The following CDH13 variants were observed in gnomAD, a reference collection of about 807,000 sequenced individuals.
The protein encoded by CDH13 is cadherin 13, also known as cadherin-13.
A neutral mutation model predicts 63.8 loss-of-function variants in CDH13; 24 were observed. The observed-to-expected ratio is 0.38, with a 90% CI of 0.27 to 0.53. CDH13 has a LOEUF of 0.53. CDH13 is among the 20% of genes least tolerant of loss of function. The pLI is 0.85. For missense variants in CDH13, 1,049 were observed against 903.1 expected (o/e 1.16, Z -2.07); for synonymous variants, 503 against 355.3 (o/e 1.42, Z -4.67).
chr16:82,673,071 G>C (rs1913483396), intron 1 of CDH13, among the ~76,000 whole-genome samples: 1 of 134,342 alleles, frequency 7.4e-6, no homozygotes, highest in Non-Finnish European at 1.5e-5. Context: ...CGAACTCCTG[G>C]GCTCAAGCAA....
intron 1 of CDH13, among the ~76,000 whole-genome samples, chr16:82,783,002 A>T (rs1169989819): frequency 2.0e-5 from 3 of 152,208 alleles, no homozygotes; most frequent in African/African-American, 7.2e-5. Flanking sequence ...CAGCATTGCC[A>T]AACAATGCCT....
At chr16:83,274,032 T>A (rs1275604282) in intron 5 of CDH13, among the ~76,000 whole-genome samples, 1 of 152,142 alleles carries the variant, frequency 6.6e-6, no homozygotes, top group East Asian at 1.9e-4. Context: ...TTACCTGGGG[T>A]TAAGCTCTCT....
chr16:83,258,955 A>T (rs1457524917), intron 5 of CDH13, among the ~76,000 whole-genome samples: 1 of 152,210 alleles, frequency 6.6e-6, no homozygotes, highest in Non-Finnish European at 1.5e-5. Flanking sequence ...CATTTGATAC[A>T]TAAACAAAAG....
chr16:83,486,164 C>G (rs990415050), intron 6 of CDH13, among the ~76,000 whole-genome samples: 15 of 127,468 alleles, frequency 1.2e-4, no homozygotes, highest in African/African-American at 4.6e-4. Flanking sequence ...GTCCCTGTCA[C>G]AAAGCCACAT....
chr16:82,756,586 G>A (rs529681366), intron 1 of CDH13, among the ~76,000 whole-genome samples: 18 of 152,292 alleles, frequency 1.2e-4, no homozygotes, highest in Non-Finnish European at 2.6e-4. Flanking sequence ...AACATTAAAT[G>A]AGGCTATGCT....
At chr16:83,141,789 AGTTT>A (rs1229397464) in intron 4 of CDH13, among the ~76,000 whole-genome samples, 3 of 152,090 alleles carry the variant, frequency 2.0e-5, no homozygotes, top group Non-Finnish European at 4.4e-5. Context: ...GTTCTGTCTT[AGTTT>A]GCTGAGAATG....
intron 3 of CDH13, among the ~76,000 whole-genome samples, chr16:83,072,568 A>T (rs1241142363): frequency 1.3e-5 from 2 of 152,190 alleles, no homozygotes; most frequent in African/African-American, 4.8e-5. Flanking sequence ...TGGGATCACA[A>T]ACTTGAAGTC....
At chr16:83,274,907 C>A (rs1056883223) in intron 5 of CDH13, among the ~76,000 whole-genome samples, 2 of 152,136 alleles carry the variant, frequency 1.3e-5, no homozygotes, top group Non-Finnish European at 2.9e-5. Context: ...AGTCTTTATT[C>A]CATTTAGGTG....
intron 1 of CDH13, among the ~76,000 whole-genome samples, chr16:82,746,489 A>G (rs2034180894): frequency 6.6e-6 from 1 of 152,082 alleles, no homozygotes; most frequent in Admixed American, 6.5e-5. Flanking sequence ...TGAGAACTGA[A>G]GAATTAATCT....
intron 2 of CDH13, chr16:83,022,944 A>G (rs1431583422): frequency 6.6e-6 from 1 of 152,234 alleles, no homozygotes; most frequent in Non-Finnish European, 1.5e-5. Flanking sequence ...AGATAAGTTT[A>G]AATCCATCTG....
At chr16:83,626,604 C>G (rs1052416943) in intron 8 of CDH13, among the ~76,000 whole-genome samples, 3 of 152,010 alleles carry the variant, frequency 2.0e-5, no homozygotes, top group African/African-American at 7.2e-5. Context: ...TGAATGGTTC[C>G]TTTAGCTGCT....
At chr16:83,563,452 A>G (rs1255366077) in intron 7 of CDH13, among the ~76,000 whole-genome samples, 1 of 152,236 alleles carries the variant, frequency 6.6e-6, no homozygotes, top group Non-Finnish European at 1.5e-5. Flanking sequence ...AAGACAAAGA[A>G]TGACTTTGAG....
chr16:83,367,453 C>T (rs1026819990), intron 6 of CDH13, among the ~76,000 whole-genome samples: 2 of 152,140 alleles, frequency 1.3e-5, no homozygotes, highest in Non-Finnish European at 1.5e-5. Flanking sequence ...CTGCTCTGAA[C>T]ATTTTTGTGT....
chr16:82,923,379 T>C (rs1597220823), intron 2 of CDH13, among the ~76,000 whole-genome samples: 1 of 152,350 alleles, frequency 6.6e-6, no homozygotes, highest in African/African-American at 2.4e-5. Flanking sequence ...TACATAAGCA[T>C]ATTTACTGCT....
intron 7 of CDH13, among the ~76,000 whole-genome samples, chr16:83,528,706 G>A (rs1336109087): frequency 2.0e-5 from 3 of 152,038 alleles, no homozygotes; most frequent in Admixed American, 6.6e-5. Context: ...GAGATGTAAC[G>A]AACAGCATTA....
chr16:82,830,891 AG>A (rs1386837521), intron 1 of CDH13, among the ~76,000 whole-genome samples: 2 of 152,208 alleles, frequency 1.3e-5, no homozygotes, highest in Non-Finnish European at 2.9e-5. Flanking sequence ...AGTCATTGGA[AG>A]AAAAACTGTC....
intron 7 of CDH13, among the ~76,000 whole-genome samples, chr16:83,510,456 C>T (rs891136596): frequency 6.6e-6 from 1 of 152,188 alleles, no homozygotes; most frequent in Non-Finnish European, 1.5e-5. Context: ...ATACACAACA[C>T]ACCAATGAAG....
intron 1 of CDH13, among the ~76,000 whole-genome samples, chr16:82,832,859 A>C (rs561970540): frequency 1.6e-4 from 25 of 152,352 alleles, no homozygotes; most frequent in African/African-American, 5.5e-4. Context: ...GCACCAAGGA[A>C]CATAGGCAGA....
Position 83,203,101 on chromosome 16 carries a change from G to A in CDH13, c.484-14244G>A, listed in dbSNP as rs1181357978. ...TAGCCAGGCATAGTGGTGCACGCCTGTAATCTTAGCTACTTGGGAGGCTGA... is the reference window on the plus strand; with the variant it reads ...TAGCCAGGCATAGTGGTGCACGCCTATAATCTTAGCTACTTGGGAGGCTGA... On this transcript the variant is annotated intron_variant, in intron 4 of 13. Coordinates refer to ENST00000567109, the MANE Select transcript of CDH13 (RefSeq NM_001257.5). 2.6e-5 allele frequency among the ~76,000 whole-genome samples: 4 copies of A among 152,168 alleles called. No individual in the cohort carries two copies. In the East Asian group the frequency reaches 7.7e-4, roughly 29 times the overall value.
Sources: allele counts gnomAD v4.1 joint callset (sites outside exome capture counted in the v4.1 genomes callset), GRCh38; gene constraint gnomAD v4.1.1; transcripts MANE v1.5; gene names NCBI Gene and HGNC (gene_info 2026-07-23, HGNC 2026-07-21).